The following HTR1F variants were observed in gnomAD, a reference collection of about 807,000 sequenced individuals.
HTR1F encodes the protein 5-hydroxytryptamine receptor 1F.
HTR1F carries 17 observed loss-of-function variants against 24.0 expected under a neutral mutation model. The observed-to-expected ratio is 0.71, with a 90% CI of 0.48 to 1.06. The LOEUF is 1.06. Among genes scored for constraint, HTR1F ranks in the 50% least tolerant of loss-of-function variants. The probability of loss-of-function intolerance (pLI) is 0.00; values close to 1 mark genes in which losing one functional copy is unlikely to be tolerated. For synonymous variants in HTR1F, 186 were observed against 156.8 expected (o/e 1.19, Z -1.39); for missense variants, 391 against 427.8 (o/e 0.91, Z 0.76).
intron 2 of HTR1F, among the ~76,000 whole-genome samples, chr3:87,841,258 T>C (rs950886022): frequency 1.3e-5 from 2 of 151,952 alleles, no homozygotes; most frequent in East Asian, 1.9e-4. Flanking sequence ...AAATTATTTG[T>C]CAATTAAAAA....
intron 2 of HTR1F, among the ~76,000 whole-genome samples, chr3:87,936,621 G>A (rs938431876): frequency 3.3e-5 from 5 of 152,114 alleles, no homozygotes; most frequent in African/African-American, 9.7e-5. Flanking sequence ...AGATAAGATG[G>A]TAAATTATAA....
chr3:87,846,595 T>G (rs1704950497), intron 2 of HTR1F, among the ~76,000 whole-genome samples: 1 of 151,962 alleles, frequency 6.6e-6, no homozygotes, highest in South Asian at 2.1e-4. Flanking sequence ...AGCATTTCAA[T>G]TTTTTTGTTT....
intron 2 of HTR1F, among the ~76,000 whole-genome samples, chr3:87,965,657 T>C (rs1023277097): frequency 6.6e-6 from 1 of 152,136 alleles, no homozygotes; most frequent in Non-Finnish European, 1.5e-5. Context: ...ACACACCTTA[T>C]TTGGAACAAC....
chr3:87,868,459 C>T (rs963444747), intron 2 of HTR1F, among the ~76,000 whole-genome samples: 11 of 151,854 alleles, frequency 7.2e-5, no homozygotes, highest in Non-Finnish European at 1.5e-4. Context: ...AGAATGAATG[C>T]AACACAAATA....
intron 2 of HTR1F, among the ~76,000 whole-genome samples, chr3:87,836,183 A>C (rs1215822445): frequency 6.6e-6 from 1 of 152,186 alleles, no homozygotes; most frequent in Non-Finnish European, 1.5e-5. Flanking sequence ...ATTCTAGTCA[A>C]CCAATTCACT....
At chr3:87,899,820 G>A (rs763444517) in intron 2 of HTR1F, among the ~76,000 whole-genome samples, 7 of 152,082 alleles carry the variant, frequency 4.6e-5, no homozygotes, top group East Asian at 1.9e-4. Flanking sequence ...CCAAGATTGC[G>A]CCACTGCACT....
chr3:87,871,276 G>A (rs1705550151), intron 2 of HTR1F, among the ~76,000 whole-genome samples: 3 of 151,748 alleles, frequency 2.0e-5, no homozygotes. Flanking sequence ...TGAAAAAATT[G>A]ACTAGAGGAG....
rs1481338670 is a variant in HTR1F, at chr3:87,937,473, A to G, written c.-42-53235A>G. On this transcript the variant is annotated intron_variant, in intron 2 of 2. Transcript: ENST00000319595. ...TATTGAAGGAACATATTTCAAAATA[A>G]TAACAGCCATCTATGACAAACCCAC... is the stretch of plus-strand genomic sequence containing the variant. 7.9e-5 allele frequency among the ~76,000 whole-genome samples: 12 copies of G among 152,292 alleles called. No homozygotes were observed. The East Asian group carries it at 2.3e-3, about 29-fold the overall frequency.
chr3:87,924,968 T>C (rs1253218581), intron 2 of HTR1F, among the ~76,000 whole-genome samples: 1 of 152,128 alleles, frequency 6.6e-6, no homozygotes, highest in African/African-American at 2.4e-5. Context: ...TACTATACTT[T>C]CTTAAATTTT....
chr3:87,914,134 G>C (rs1436463932), intron 2 of HTR1F, among the ~76,000 whole-genome samples: 17 of 152,128 alleles, frequency 1.1e-4, no homozygotes, highest in Non-Finnish European at 5.9e-5. Flanking sequence ...CTTACCTGGA[G>C]CTGAGTCAAT....
At chr3:87,911,135 G>T (rs62267047) in intron 2 of HTR1F, among the ~76,000 whole-genome samples, 4 of 151,810 alleles carry the variant, frequency 2.6e-5, no homozygotes. Context: ...TTAATCGAAA[G>T]AGATCAAGAC....
intron 2 of HTR1F, among the ~76,000 whole-genome samples, chr3:87,892,309 C>T (rs1706102241): frequency 6.6e-6 from 1 of 152,164 alleles, no homozygotes; most frequent in Non-Finnish European, 1.5e-5. Flanking sequence ...AATTCTGTTA[C>T]TGGCACTTTC....
chr3:87,800,886 G>T (rs1374719341), intron 1 of HTR1F, among the ~76,000 whole-genome samples: 1 of 152,196 alleles, frequency 6.6e-6, no homozygotes, highest in South Asian at 2.1e-4. Flanking sequence ...CCCCAGAGAA[G>T]TTTCCTAATG....
chr3:87,831,690 G>T (rs1704584261), intron 2 of HTR1F, among the ~76,000 whole-genome samples: 1 of 152,098 alleles, frequency 6.6e-6, no homozygotes, highest in Non-Finnish European at 1.5e-5. Flanking sequence ...CTATCCAGAA[G>T]AAAAACAAAC....
intron 1 of HTR1F, among the ~76,000 whole-genome samples, chr3:87,800,583 A>G (rs1703975472): frequency 6.6e-6 from 1 of 152,204 alleles, no homozygotes; most frequent in South Asian, 2.1e-4. Flanking sequence ...CAGTTAGGCT[A>G]GTGAGTACCT....
At chr3:87,932,640 A>G (rs1430605373) in intron 2 of HTR1F, among the ~76,000 whole-genome samples, 1 of 152,146 alleles carries the variant, frequency 6.6e-6, no homozygotes, top group East Asian at 1.9e-4. Context: ...ACACTCTCCC[A>G]AGACTAAACC....
rs1159326779 is a variant in HTR1F, at chr3:87,993,762, T to C, written c.*1912T>C. The C allele has an allele frequency of 6.0e-6, 1 of 167,102 alleles. No individual in the cohort carries two copies. The highest frequency in any genetic ancestry group is 2.4e-5 in the African/African-American group (1 of 41,466). 10.4% of individuals were successfully genotyped at this position (167,102 alleles called of 1,614,324 possible). ...TCAGAAAAAAGTCTACAGTCAATTT[T>C]ATTGCTGACGATGGGTAATCACTGA... On this transcript the variant is annotated 3_prime_UTR_variant, in exon 3 of 3. Coordinates refer to ENST00000319595, the MANE Select transcript of HTR1F (RefSeq NM_001322209.2).
At chr3:87,891,466 G>A (rs1413502095) in intron 2 of HTR1F, among the ~76,000 whole-genome samples, 1 of 152,004 alleles carries the variant, frequency 6.6e-6, no homozygotes, top group African/African-American at 2.4e-5. Context: ...AATCCCTCAA[G>A]CATTTCAAAA....
intron 2 of HTR1F, among the ~76,000 whole-genome samples, chr3:87,989,302 A>T (rs1187545810): frequency 1.3e-5 from 2 of 152,236 alleles, no homozygotes; most frequent in Non-Finnish European, 1.5e-5. Context: ...TGACTTATAC[A>T]GAAGAATAAT....
Sources: gnomAD v4.1 joint callset for allele counts (sites outside exome capture counted in the v4.1 genomes callset) on GRCh38, gnomAD v4.1.1 for gene constraint, MANE v1.5 for transcripts, NCBI Gene and HGNC (gene_info 2026-07-23, HGNC 2026-07-21) for gene names.